The following FYB2 variants were observed in gnomAD, a reference collection of about 807,000 sequenced individuals.
FYB2 encodes FYN-binding protein 2.
FYB2 carries 103 observed loss-of-function variants against 94.1 expected under a neutral mutation model. The ratio of observed to expected loss-of-function variants is 1.09; its 90% CI spans 0.93 to 1.29. The LOEUF (loss-of-function observed/expected upper bound fraction) is 1.29, where lower values mean the gene tolerates loss of function less well. FYB2 is among the 50% of genes most tolerant of loss of function. The pLI, the probability that FYB2 is intolerant of heterozygous loss-of-function variation, is 0.00. For missense variants in FYB2, 896 were observed against 841.5 expected, an observed-to-expected ratio of 1.06 and a Z score of -0.80; for synonymous variants, 293 against 287.9, an observed-to-expected ratio of 1.02 and a Z score of -0.18.
intron 13 of FYB2, 144 bp from the exon 14 acceptor site, chr1:56,738,797 C>A: frequency 1.3e-6 from 1 of 774,968 alleles, no homozygotes; most frequent in Non-Finnish European, 2.0e-6. Context: ...AAAATAGTTT[C>A]TCTGGTATTA....
chr1:56,772,436 T>G (rs1267690913), intron 4 of FYB2, among the ~76,000 whole-genome samples: 2 of 152,128 alleles, frequency 1.3e-5, no homozygotes, highest in Non-Finnish European at 1.5e-5. Context: ...GAGAATGTCT[T>G]TTACCTTTAT....
intron 2 of FYB2, among the ~76,000 whole-genome samples, chr1:56,791,789 C>T (rs1272019973): frequency 6.6e-6 from 1 of 152,150 alleles, no homozygotes; most frequent in Non-Finnish European, 1.5e-5. Context: ...TATAAATTGC[C>T]TAAATTCATG....
At chr1:56,740,602 C>T (rs752687093) in intron 13 of FYB2, 95 bp downstream of exon 13, 1 of 700,804 alleles carries the variant, frequency 1.4e-6, no homozygotes, top group East Asian at 3.0e-5. Context: ...TTTCTGATAT[C>T]CCCTTCACTG....
chr1:56,738,645 GA>G lies in FYB2; in HGVS notation c.1711del (p.Ser571ProfsTer7). 6.2e-7 allele frequency: 1 copy of G among 1,610,678 alleles called. No homozygotes were observed. On this transcript the variant is annotated frameshift_variant, in exon 14 of 20. Coordinates refer to ENST00000343433, the MANE Select transcript of FYB2 (RefSeq NM_001004303.5). LOFTEE classifies it high-confidence loss of function. ...CTTACCTAAATCAGGCAGCAAAATG[GA>G]AAATGCACTGTTGATTGACAAAAGA... Reference protein sequence around the residue: ...TKSKENLSAFSILLPDLELKS... With the variant: ...TKSKENLSAFXILLPDLELKS...
At chr1:56,812,450 A>G (rs1646788236) in intron 1 of FYB2, among the ~76,000 whole-genome samples, 1 of 152,242 alleles carries the variant, frequency 6.6e-6, no homozygotes, top group African/African-American at 2.4e-5. Context: ...GATGATTAAC[A>G]GTAACAATAC....
At chr1:56,792,031 G>A (rs764337593) in intron 2 of FYB2, 25 bp downstream of exon 2, 2 of 1,546,330 alleles carry the variant, frequency 1.3e-6, no homozygotes, top group Non-Finnish European at 1.7e-6. Context: ...CCTAGCCCCT[G>A]TCCCATGGGG....
chr1:56,787,614 G>T (rs1449365607), intron 3 of FYB2, among the ~76,000 whole-genome samples: 2 of 152,150 alleles, frequency 1.3e-5, no homozygotes, highest in African/African-American at 4.8e-5. Context: ...CCCTTTCCGG[G>T]CATCATGTCT....
intron 4 of FYB2, among the ~76,000 whole-genome samples, chr1:56,769,127 C>T (rs776463069): frequency 1.3e-5 from 2 of 152,130 alleles, no homozygotes; most frequent in African/African-American, 4.8e-5. Context: ...CAGCCTCAAC[C>T]TCCCAGGCTC....
At chr1:56,808,960 A>C (rs1182366465) in intron 1 of FYB2, among the ~76,000 whole-genome samples, 1 of 152,184 alleles carries the variant, frequency 6.6e-6, no homozygotes, top group East Asian at 1.9e-4. Flanking sequence ...TGTGAACCCA[A>C]GCTACCAAGT....
In FYB2 at chr1:56,753,713, A is replaced by C. The variant is rs973608303; in HGVS notation, c.1227+126T>G. The C allele has an allele frequency of 7.7e-6, 5 of 651,270 alleles. No homozygotes were observed. In the East Asian group the frequency reaches 8.0e-5, roughly 10 times the overall value. 40.3% of individuals were successfully genotyped at this position (651,270 alleles called of 1,614,324 possible). Reference sequence around the variant, plus strand: ...ATTGTTACATTTATTTCCTTGATACAATATCAAATGCCCATTGCCTTTTCT... The same window carrying C: ...ATTGTTACATTTATTTCCTTGATACCATATCAAATGCCCATTGCCTTTTCT... On this transcript the variant is annotated intron_variant, in intron 8 of 19. Coordinates refer to ENST00000343433, the MANE Select transcript of FYB2 (RefSeq NM_001004303.5).
intron 7 of FYB2, among the ~76,000 whole-genome samples, chr1:56,754,199 CG>C (rs1305803977): frequency 1.3e-5 from 2 of 151,974 alleles, no homozygotes; most frequent in Non-Finnish European, 2.9e-5. Flanking sequence ...TAAGTTTCAT[CG>C]TGATCTGGCT....
At chr1:56,738,799 C>G in intron 13 of FYB2, 146 bp from the exon 14 acceptor site, 1 of 748,564 alleles carries the variant, frequency 1.3e-6, no homozygotes, top group South Asian at 2.3e-5. Flanking sequence ...AATAGTTTCT[C>G]TGGTATTAAC....
intron 4 of FYB2, among the ~76,000 whole-genome samples, chr1:56,776,593 C>A (rs1006522295): frequency 1.3e-5 from 2 of 152,078 alleles, no homozygotes; most frequent in African/African-American, 4.8e-5. Flanking sequence ...TCATTTTGAT[C>A]ACTAGTCAAA....
intron 2 of FYB2, among the ~76,000 whole-genome samples, chr1:56,790,528 C>T (rs1225658235): frequency 6.6e-6 from 1 of 152,170 alleles, no homozygotes; most frequent in Non-Finnish European, 1.5e-5. Flanking sequence ...TTCTCTCATC[C>T]ATCTTTCTTC....
chr1:56,735,380 T>A (rs1488031553), intron 15 of FYB2, among the ~76,000 whole-genome samples: 1 of 152,106 alleles, frequency 6.6e-6, no homozygotes, highest in Non-Finnish European at 1.5e-5. Context: ...GCACGACATG[T>A]TCTCACTCAT....
At chr1:56,798,414 G>A (rs1449666438) in intron 1 of FYB2, among the ~76,000 whole-genome samples, 1 of 152,078 alleles carries the variant, frequency 6.6e-6, no homozygotes, top group Admixed American at 6.5e-5. Context: ...AAACAGAAGG[G>A]GTTTATCTCT....
In FYB2 at chr1:56,760,979, T is replaced by G. The variant is rs1483680170; in HGVS notation, c.1064-2229A>C. On this transcript the variant is annotated intron_variant, in intron 5 of 19. Transcript: ENST00000343433. ...GAGCATGTGATCTGCAGCATCAGAG[T>G]CCTCGCTTACTTTCTGCACAGAGTT... Among the ~76,000 whole-genome samples, 4 of 152,044 alleles carry G rather than the reference T, an allele frequency of 2.6e-5. No homozygotes were observed. The East Asian group carries it at 7.8e-4, about 30-fold the overall frequency.
At chr1:56,758,825 T>C in intron 5 of FYB2, 75 bp from the exon 6 acceptor site, 6 of 1,113,106 alleles carry the variant, frequency 5.4e-6, no homozygotes, top group East Asian at 2.6e-5. Flanking sequence ...ATTAAAGCAG[T>C]TATAAAAGAT....
chr1:56,820,612 T>A (rs1438789718), upstream of FYB2, among the ~76,000 whole-genome samples: 3 of 152,214 alleles, frequency 2.0e-5, no homozygotes, highest in Non-Finnish European at 2.9e-5. Context: ...CCATTTCCTC[T>A]AACAGGTGAT....
Sources: allele counts gnomAD v4.1 joint callset (sites outside exome capture counted in the v4.1 genomes callset), GRCh38; gene constraint gnomAD v4.1.1; transcripts MANE v1.5; gene names NCBI Gene and HGNC (gene_info 2026-07-23, HGNC 2026-07-21).